ZNF529: variants seen among roughly 807,000 people sequenced by gnomAD.
ZNF529 encodes zinc finger protein 529.
Under a neutral mutation model 10.1 loss-of-function variants are expected in ZNF529, and 11 were observed. The observed-to-expected ratio is 1.09, with a 90% CI of 0.69 to 1.81. The LOEUF (loss-of-function observed/expected upper bound fraction) is 1.81. ZNF529 is among the 40% of genes most tolerant of loss of function. The pLI, the probability that ZNF529 is intolerant of heterozygous loss-of-function variation, is 0.00. For missense variants in ZNF529, 624 were observed against 666.8 expected, an observed-to-expected ratio of 0.94 and a Z score of 0.71; for synonymous variants, 204 against 215.7, an observed-to-expected ratio of 0.95 and a Z score of 0.47.
At position 36,547,537 on chromosome 19, in the gene ZNF529, T is replaced by C. The variant is rs1256021521; in HGVS notation, c.1021A>G (p.Met341Val). 2 of 1,613,250 alleles carry C rather than the reference T, an allele frequency of 1.2e-6. No individual in the cohort carries two copies. Among genetic ancestry groups the C allele is most frequent in the Non-Finnish European group, 1.7e-6 (2 of 1,179,372 alleles). ...IHTGEKPYKC[M>V]HCEKVFRISS... ...ATTCTAAAAACCTTCTCACAGTGCA[T>C]ACATTTGTAGGGTTTCTCACCAGTA... Residue 341 changes from methionine to valine, a missense_variant, in exon 5 of 5, where the codon ATG (methionine) becomes GTG (valine). Physicochemically the swap from Met to Val is conservative, Grantham distance 21 (BLOSUM62 1). Transcript: ENST00000591340.
intron 1 of ZNF529, among the ~76,000 whole-genome samples, chr19:36,596,005 A>T (rs2036832031): frequency 6.7e-6 from 1 of 149,906 alleles, no homozygotes; most frequent in Non-Finnish European, 1.5e-5. Flanking sequence ...ATGATGACTG[A>T]ATTTGTCTAT....
chr19:36,596,681 T>C (rs902753584), intron 1 of ZNF529, among the ~76,000 whole-genome samples: 1 of 151,712 alleles, frequency 6.6e-6, no homozygotes. Context: ...CACACCCAGG[T>C]AATTTTTTTA....
At chr19:36,568,335 C>G (rs1203731710) in intron 2 of ZNF529, among the ~76,000 whole-genome samples, 28 of 152,096 alleles carry the variant, frequency 1.8e-4, no homozygotes, top group Admixed American at 1.8e-3. Context: ...TCTAGTGCAG[C>G]ATGGAAGAAG....
chr19:36,605,455 G>A (rs1486602702), upstream of ZNF529: 3 of 152,648 alleles, frequency 2.0e-5, no homozygotes, highest in African/African-American at 4.8e-5. Context: ...AGGTAACCAA[G>A]AGTCCGAGCC....
At chr19:36,578,196 C>T (rs2036376157), upstream of ZNF529, among the ~76,000 whole-genome samples, 2 of 147,626 alleles carry the variant, frequency 1.4e-5, no homozygotes, top group Non-Finnish European at 3.0e-5. Flanking sequence ...TCCCAAGTAG[C>T]TGGGACTACA....
chr19:36,554,679 G>C lies in ZNF529; in HGVS notation c.226C>G (p.Leu76Val), dbSNP rs550875817. 6.4e-7 allele frequency: 1 copy of C among 1,560,670 alleles called. No homozygotes were observed. The highest frequency in any genetic ancestry group is 1.4e-5 in the African/African-American group (1 of 73,596). Residue 76 changes from leucine to valine, a missense_variant, in exon 4 of 5, where the codon CTC (leucine) becomes GTC (valine). Leu to Val is a conservative substitution (Grantham distance 32). Coordinates refer to ENST00000591340, the MANE Select transcript of ZNF529 (RefSeq NM_020951.5). The stretch of plus-strand genomic sequence containing the variant: ...AGGCAGATAAATTTACCCAGTGAGA[G>C]TAAGTTGCTGTAGTTCTCCATCATC... ...DVMMENYSNL[L>V]SLDLESRNET...
rs1182396434 is a variant in ZNF529 at position 36,572,356 on chromosome 19, T to C, written c.-10A>G. On this transcript the variant is annotated 5_prime_UTR_variant, in exon 2 of 5. Transcript: ENST00000591340. ...ACCTTGAGTTGGCCATTAGTACCAA[T>C]GCTGTCTTCCACTTCAGGGGGCCTT... 1 of 1,548,168 alleles carries C rather than the reference T, an allele frequency of 6.5e-7. No individual in the cohort carries two copies.
chr19:36,547,678 GCA>G lies in ZNF529; in HGVS notation c.878_879del (p.Val293AlafsTer13). 6 of 1,613,846 alleles carry G rather than the reference GCA, an allele frequency of 3.7e-6. No individual in the cohort carries two copies. The highest frequency in any genetic ancestry group is 4.2e-6 in the Non-Finnish European group (5 of 1,179,830). On this transcript the variant is annotated frameshift_variant, in exon 5 of 5. Coordinates refer to ENST00000591340, the MANE Select transcript of ZNF529 (RefSeq NM_020951.5). LOFTEE classifies it low-confidence loss of function (END_TRUNC). Reference protein sequence around the residue: ...ECSFCGKSFRVHAQLTRHQKI... With the variant: ...ECSFCGKSFRXHAQLTRHQKI... Reference sequence around the variant, plus strand: ...TTCTGATGTCGAGTAAGTTGTGCATGCACTCTAAAGGATTTCCCACAGAATGA... The same window carrying G: ...TTCTGATGTCGAGTAAGTTGTGCATGCTCTAAAGGATTTCCCACAGAATGA...
intron 1 of ZNF529, 93 bp from the exon 2 acceptor site, chr19:36,572,485 A>T: frequency 2.1e-6 from 2 of 945,716 alleles, no homozygotes; most frequent in Non-Finnish European, 3.2e-6. Context: ...ATCACACACA[A>T]CAAACACACC....
chr19:36,564,724 G>A (rs1281102874), intron 2 of ZNF529, among the ~76,000 whole-genome samples: 1 of 152,120 alleles, frequency 6.6e-6, no homozygotes, highest in Non-Finnish European at 1.5e-5. Flanking sequence ...ACAACCATTT[G>A]ACTCAGCAAT....
At chr19:36,591,046 C>G (rs765637987) in intron 1 of ZNF529, among the ~76,000 whole-genome samples, 22 of 151,706 alleles carry the variant, frequency 1.5e-4, no homozygotes, top group Admixed American at 7.2e-4. Flanking sequence ...TATTAGAAGT[C>G]TAACAGAATT....
chr19:36,561,571 T>C (rs1568590376), intron 2 of ZNF529, among the ~76,000 whole-genome samples: 1 of 151,992 alleles, frequency 6.6e-6, no homozygotes, highest in South Asian at 2.1e-4. Flanking sequence ...AGAGACCTAC[T>C]ACAGAGGCAG....
In ZNF529 at chr19:36,546,602, T is replaced by C. The variant is rs1437888059; in HGVS notation, c.*264A>G. On this transcript the variant is annotated 3_prime_UTR_variant, in exon 5 of 5. Coordinates refer to ENST00000591340, the MANE Select transcript of ZNF529 (RefSeq NM_020951.5). Reference sequence around the variant, plus strand: ...GCAATAATACAAACATCAAAAGCTATTGTAAACAAAACATGCCAGGATGAG... The same window carrying C: ...GCAATAATACAAACATCAAAAGCTACTGTAAACAAAACATGCCAGGATGAG... 1.4e-5 allele frequency: 5 copies of C among 358,534 alleles called. No individual in the cohort carries two copies. Among genetic ancestry groups the C allele is most frequent in the South Asian group, 7.2e-5 (1 of 13,944 alleles). 22.2% of individuals were successfully genotyped at this position (358,534 alleles called of 1,614,324 possible). A position where few individuals can be genotyped will look rare whatever the true frequency, so the allele number is the denominator to read the frequency against.
At chr19:36,598,245 C>G (rs1049297920) in intron 1 of ZNF529, among the ~76,000 whole-genome samples, 1 of 152,198 alleles carries the variant, frequency 6.6e-6, no homozygotes, top group Non-Finnish European at 1.5e-5. Flanking sequence ...TGCAGTGGCT[C>G]ATGCCTGTAA....
At chr19:36,563,955 A>G (rs1442920009) in intron 2 of ZNF529, among the ~76,000 whole-genome samples, 1 of 152,228 alleles carries the variant, frequency 6.6e-6, no homozygotes, top group Admixed American at 6.5e-5. Context: ...GAGGACCTAG[A>G]AAGTCACACA....
At chr19:36,593,867 A>G (rs948067400) in intron 1 of ZNF529, 5 of 152,184 alleles carry the variant, frequency 3.3e-5, no homozygotes, top group Non-Finnish European at 5.9e-5. Flanking sequence ...CCACAGAGGC[A>G]AGAGCTGGGG....
At chr19:36,562,970 G>A (rs781463541) in intron 2 of ZNF529, among the ~76,000 whole-genome samples, 8 of 152,174 alleles carry the variant, frequency 5.3e-5, no homozygotes, top group Non-Finnish European at 1.0e-4. Context: ...GAGGACACAC[G>A]TCCTTTCTGG....
At chr19:36,564,835 G>A (rs932987738) in intron 2 of ZNF529, among the ~76,000 whole-genome samples, 1 of 152,120 alleles carries the variant, frequency 6.6e-6, no homozygotes, top group Non-Finnish European at 1.5e-5. Flanking sequence ...CAAAGACACA[G>A]AATCAACCTA....
upstream of ZNF529, among the ~76,000 whole-genome samples, chr19:36,576,021 G>C (rs1300019596): frequency 6.6e-6 from 1 of 151,864 alleles, no homozygotes; most frequent in Non-Finnish European, 1.5e-5. Context: ...GCTAATTTTT[G>C]TATTTTTAGT....
Sources: allele counts gnomAD v4.1 joint callset (sites outside exome capture counted in the v4.1 genomes callset), GRCh38; gene constraint gnomAD v4.1.1; transcripts MANE v1.5; gene names NCBI Gene and HGNC (gene_info 2026-07-23, HGNC 2026-07-21).